Variants in NRG3 observed in about 807,000 individuals in gnomAD.
The protein encoded by NRG3 is neuregulin 3.
In NRG3, 31 loss-of-function variants were observed where a neutral mutation model predicts 66.9. The observed-to-expected ratio is 0.46, with a 90% CI of 0.35 to 0.63. The LOEUF (loss-of-function observed/expected upper bound fraction) is 0.63. NRG3 is among the 20% of genes least tolerant of loss of function. The pLI is 0.00. For synonymous variants in NRG3, 393 were observed against 359.4 expected (o/e 1.09, Z -1.06); for missense variants, 910 against 878.9 (o/e 1.04, Z -0.45).
intron 1 of NRG3, among the ~76,000 whole-genome samples, chr10:81,969,734 A>G (rs2059857255): frequency 6.6e-6 from 1 of 152,040 alleles, no homozygotes. Context: ...AGGCAACTTA[A>G]TAATACCTGC....
intron 4 of NRG3, among the ~76,000 whole-genome samples, chr10:82,947,544 C>A (rs1333233459): frequency 6.6e-6 from 1 of 152,074 alleles, no homozygotes; most frequent in Non-Finnish European, 1.5e-5. Flanking sequence ...TTTTACCTTT[C>A]CATCAGAAGT....
chr10:82,500,150 AG>A (rs1844027610), intron 2 of NRG3, among the ~76,000 whole-genome samples: 1 of 152,176 alleles, frequency 6.6e-6, no homozygotes, highest in Non-Finnish European at 1.5e-5. Flanking sequence ...GGGATGTAGT[AG>A]GTCATCTCTG....
intron 3 of NRG3, among the ~76,000 whole-genome samples, chr10:82,844,247 C>T (rs1021513553): frequency 1.3e-5 from 2 of 152,144 alleles, no homozygotes; most frequent in East Asian, 3.9e-4. Context: ...GTGTCTCTTT[C>T]TAATTAAATC....
chr10:82,904,648 A>T (rs1393570146), intron 4 of NRG3, among the ~76,000 whole-genome samples: 1 of 152,190 alleles, frequency 6.6e-6, no homozygotes, highest in Non-Finnish European at 1.5e-5. Flanking sequence ...TATCTTAGGC[A>T]TATGAATGGG....
At chr10:82,929,965 A>C (rs1321734547) in intron 4 of NRG3, among the ~76,000 whole-genome samples, 1 of 152,022 alleles carries the variant, frequency 6.6e-6, no homozygotes, top group East Asian at 1.9e-4. Flanking sequence ...GTTCTCGCAG[A>C]CCCCCCTGCT....
chr10:81,906,208 T>TATCATC (rs57012883), intron 1 of NRG3, among the ~76,000 whole-genome samples: 4 of 151,548 alleles, frequency 2.6e-5, no homozygotes, highest in East Asian at 1.9e-4. Context: ...CTGCTGTTCT[T>TATCATC]ATCATCATCA....
intron 1 of NRG3, among the ~76,000 whole-genome samples, chr10:82,159,750 G>A (rs1479504435): frequency 2.6e-5 from 4 of 151,836 alleles, no homozygotes; most frequent in Non-Finnish European, 5.9e-5. Context: ...GTGAGATGCA[G>A]CAGAATCAAG....
At chr10:82,040,538 T>G (rs2062986733) in intron 1 of NRG3, among the ~76,000 whole-genome samples, 1 of 152,064 alleles carries the variant, frequency 6.6e-6, no homozygotes, top group Non-Finnish European at 1.5e-5. Context: ...AACTGTATAC[T>G]GGCACATGCA....
rs113488899 is a variant in NRG3 at position 82,978,059 on chromosome 10, T to G, written c.1413-891T>G. ...TATTATTTGAGCACTGCAGAACCAG[T>G]GTGACCACATAAACTAGCATCTCGT... On this transcript the variant is annotated intron_variant, in intron 7 of 8. Coordinates refer to ENST00000372141, the MANE Select transcript of NRG3 (RefSeq NM_001010848.4). 7.3e-3 allele frequency among the ~76,000 whole-genome samples: 1,106 copies of G among 152,278 alleles called. 7 individuals are homozygous for G. Among genetic ancestry groups the G allele is most frequent in the African/African-American group, 0.025 (1,055 of 41,546 alleles).
intron 2 of NRG3, among the ~76,000 whole-genome samples, chr10:82,519,903 A>T (rs527349727): frequency 2.0e-5 from 3 of 152,240 alleles, no homozygotes; most frequent in Admixed American, 6.5e-5. Context: ...AGGGCAGTGA[A>T]ACCATGATTA....
rs1554942716 is a variant in NRG3, at chr10:82,491,293, A to AATATATATATATATATATACATATAT, written c.953+132444_953+132445insCATATATATATATATATATATATATA. On this transcript the variant is annotated intron_variant, in intron 2 of 8. Transcript: ENST00000372141. ...GATTCTGCCTATGCTGTTCCCATAA[A>AATATATATATATATATATACATATAT]ATATATATATATATATATATATAAA... Among the ~76,000 whole-genome samples, 381 of 82,048 alleles carry AATATATATATATATATATACATATAT rather than the reference A, an allele frequency of 4.6e-3. 5 individuals carry two copies. The highest frequency in any genetic ancestry group is 0.011 in the African/African-American group (319 of 28,436). The allele number at this position is 82,048 out of a possible 152,430, so 53.8% of individuals were successfully genotyped here. A position where few individuals can be genotyped will look rare whatever the true frequency, so the allele number is the denominator to read the frequency against.
In NRG3 at chr10:82,045,011, G is replaced by A. The variant is rs552811608; in HGVS notation, c.823+168848G>A. ...TTCCAAGTCTTTGCTATTGTGAATA[G>A]TGCCTCAATAAACATACGTGTGCAT... On this transcript the variant is annotated intron_variant, in intron 1 of 8. Transcript: ENST00000372141. 3.7e-3 allele frequency among the ~76,000 whole-genome samples: 565 copies of A among 151,578 alleles called. 4 individuals carry two copies. The highest frequency in any genetic ancestry group is 6.4e-3 in the Non-Finnish European group (432 of 67,906).
intron 2 of NRG3, among the ~76,000 whole-genome samples, chr10:82,438,045 G>A (rs1469834263): frequency 1.3e-5 from 2 of 152,220 alleles, no homozygotes; most frequent in African/African-American, 4.8e-5. Flanking sequence ...ATGGGGAACA[G>A]GACCCATTTT....
intron 1 of NRG3, among the ~76,000 whole-genome samples, chr10:82,123,859 A>C (rs1320420453): frequency 6.7e-6 from 1 of 149,904 alleles, no homozygotes; most frequent in East Asian, 1.9e-4. Context: ...GGAAGGCAGC[A>C]ATTGGCATTA....
intron 1 of NRG3, among the ~76,000 whole-genome samples, chr10:82,341,497 T>A (rs1187247197): frequency 1.3e-5 from 2 of 152,140 alleles, no homozygotes; most frequent in East Asian, 3.8e-4. Flanking sequence ...CAAGCATTAT[T>A]ACTGCATGCT....
chr10:82,773,194 A>G (rs898754609), intron 3 of NRG3, among the ~76,000 whole-genome samples: 6 of 152,092 alleles, frequency 3.9e-5, no homozygotes, highest in African/African-American at 1.4e-4. Flanking sequence ...ACTAATCTAC[A>G]TTCCCGCCAA....
chr10:82,212,684 A>G (rs2075458095), intron 1 of NRG3, among the ~76,000 whole-genome samples: 1 of 152,198 alleles, frequency 6.6e-6, no homozygotes, highest in African/African-American at 2.4e-5. Flanking sequence ...AATCAGAAAC[A>G]GATCAGTGGT....
chr10:82,587,077 A>C (rs1186324176), intron 2 of NRG3, among the ~76,000 whole-genome samples: 1 of 152,166 alleles, frequency 6.6e-6, no homozygotes, highest in Non-Finnish European at 1.5e-5. Context: ...AACTATTAAC[A>C]AAATAATACT....
intron 1 of NRG3, among the ~76,000 whole-genome samples, chr10:82,281,729 G>A (rs1321686454): frequency 6.6e-6 from 1 of 152,120 alleles, no homozygotes; most frequent in East Asian, 1.9e-4. Context: ...TGAGAATCAA[G>A]GGAGGGCAGA....
Sources: gnomAD v4.1 joint callset for allele counts (sites outside exome capture counted in the v4.1 genomes callset) on GRCh38, gnomAD v4.1.1 for gene constraint, MANE v1.5 for transcripts, NCBI Gene and HGNC (gene_info 2026-07-23, HGNC 2026-07-21) for gene names.